Variants in NGLY1 observed in about 807,000 individuals in gnomAD.
NGLY1 encodes the protein N-glycanase 1.
NGLY1 carries 68 observed loss-of-function variants against 84.6 expected under a neutral mutation model. The ratio of observed to expected loss-of-function variants is 0.80; its 90% CI spans 0.66 to 0.98. The LOEUF (loss-of-function observed/expected upper bound fraction) is 0.98, where lower values mean the gene tolerates loss of function less well. Ranked by LOEUF, NGLY1 falls within the 50% of genes least tolerant of loss-of-function variation. The pLI, the probability that NGLY1 is intolerant of heterozygous loss-of-function variation, is 0.00. For synonymous variants in NGLY1, 280 were observed against 275.2 expected, an observed-to-expected ratio of 1.02 and a Z score of -0.17; for missense variants, 779 against 770.2, an observed-to-expected ratio of 1.01 and a Z score of -0.14.
chr3:25,789,917 G>A (rs1299536072), exon 1 of NGLY1: 1 of 1,551,044 alleles, frequency 6.4e-7, no homozygotes, highest in Non-Finnish European at 8.7e-7. Flanking sequence ...GTTCCGAGAG[G>A]GGCGTCTCTG....
chr3:25,723,613 T>C (rs1436652777), intron 10 of NGLY1, among the ~76,000 whole-genome samples: 1 of 151,964 alleles, frequency 6.6e-6, no homozygotes, highest in Non-Finnish European at 1.5e-5. Flanking sequence ...AATCAGTAAC[T>C]ATAATTTATT....
chr3:25,768,869 CA>C (rs1707753820), intron 2 of NGLY1, among the ~76,000 whole-genome samples: 1 of 151,512 alleles, frequency 6.6e-6, no homozygotes, highest in Admixed American at 6.6e-5. Flanking sequence ...AGAACACAGG[CA>C]ACTAAAGCAA....
chr3:25,764,165 A>G lies in NGLY1; in HGVS notation c.393T>C (p.Ser131=). The change falls in exon 3 of 12, where the codon AGT becomes AGC. Residue 131 remains serine (S), a synonymous_variant. Coordinates refer to ENST00000280700, the MANE Select transcript of NGLY1 (RefSeq NM_018297.4). The stretch of plus-strand genomic sequence containing the variant: ...AAGATGGTGTTGTAGGAAGCTGGGT[A>G]CTGGCTGCAGGTTGCTGAGATGACT... ...KVKSSQQPAA[S]TQLPTTPSSN... is the part of the protein sequence containing the mutation. The G allele has an allele frequency of 6.2e-7, 1 of 1,614,206 alleles. No individual in the cohort carries two copies. Among genetic ancestry groups the G allele is most frequent in the Non-Finnish European group, 8.5e-7 (1 of 1,180,028 alleles).
rs777412279 is a variant in NGLY1 at position 25,719,431 on chromosome 3, T to G, written c.*29A>C. On this transcript the variant is annotated 3_prime_UTR_variant, in exon 12 of 12. Transcript: ENST00000280700. ...GACTACTTCAGTAAGTCCTTGATTA[T>G]TGCCAGCTTTTCTATAATGTTCAGG... The G allele has an allele frequency of 1.7e-5, 28 of 1,603,840 alleles. No homozygotes were observed. The highest frequency in any genetic ancestry group is 2.4e-5 in the Non-Finnish European group (28 of 1,172,152).
chr3:25,761,312 C>T (rs759044130), intron 3 of NGLY1, among the ~76,000 whole-genome samples: 2 of 152,068 alleles, frequency 1.3e-5, no homozygotes, highest in African/African-American at 4.8e-5. Flanking sequence ...AAACATAATG[C>T]TTCTAACATT....
upstream of NGLY1, among the ~76,000 whole-genome samples, chr3:25,786,754 T>G (rs748802443): frequency 3.9e-5 from 6 of 152,238 alleles, no homozygotes; most frequent in Non-Finnish European, 8.8e-5. Context: ...AAATGGTGAT[T>G]TCCATGATTT....
chr3:25,720,604 T>G (rs1167303420), intron 10 of NGLY1, among the ~76,000 whole-genome samples: 1 of 152,222 alleles, frequency 6.6e-6, no homozygotes, highest in East Asian at 1.9e-4. Context: ...GCTTTCCTAG[T>G]GTGACATGGT....
chr3:25,735,935 A>G, intron 7 of NGLY1, 69 bp downstream of exon 7: 1 of 1,319,170 alleles, frequency 7.6e-7, no homozygotes, highest in Middle Eastern at 1.9e-4. Flanking sequence ...TTATACATTC[A>G]TGAAGCTGTC....
chr3:25,748,002 G>C (rs947729137), intron 4 of NGLY1, among the ~76,000 whole-genome samples: 5 of 152,136 alleles, frequency 3.3e-5, no homozygotes, highest in East Asian at 1.9e-4. Context: ...GATGGGAAGA[G>C]TAAGAATTGT....
chr3:25,745,410 T>C (rs115250213), intron 4 of NGLY1, among the ~76,000 whole-genome samples: 148 of 152,354 alleles, frequency 9.7e-4, no homozygotes, highest in African/African-American at 3.2e-3. Flanking sequence ...ATTTCAAGGC[T>C]TGACTTCTTA....
intron 2 of NGLY1, among the ~76,000 whole-genome samples, chr3:25,772,379 C>T (rs769197822): frequency 1.3e-5 from 2 of 152,100 alleles, no homozygotes; most frequent in African/African-American, 2.4e-5. Flanking sequence ...GTTGGACTAG[C>T]CCTTTTATCA....
At chr3:25,755,413 AAC>A in intron 3 of NGLY1, 1 of 1,447,110 alleles carries the variant, frequency 6.9e-7, no homozygotes, top group Non-Finnish European at 9.7e-7. Context: ...TGACCCCACA[AAC>A]AGTGTCTGTC....
rs1313951946 is a variant in NGLY1, at chr3:25,783,226, C to T, written c.131+34G>A. 1 of 1,588,622 alleles carries T rather than the reference C, an allele frequency of 6.3e-7. No individual in the cohort carries two copies. On this transcript the variant is annotated intron_variant, in intron 1 of 11. Coordinates refer to ENST00000280700, the MANE Select transcript of NGLY1 (RefSeq NM_018297.4). This position sits in a 1 kb window ranked among gnomAD's most constrained non-coding sequence, Gnocchi z 4.5. ...AACAAGGTGCCGCGGCCCACCCACC[C>T]CGGTACCCGCCGTCCGACCCCGTTG...
chr3:25,732,429 C>T lies in NGLY1; in HGVS notation c.1315G>A (p.Val439Met), dbSNP rs1202673994. Reference protein sequence around the residue: ...RRKELLQRIIVELVEFISPKT... With the variant: ...RRKELLQRIIMELVEFISPKT... ...GGAGATATAAATTCAACAAGCTCCA[C>T]AATTATCCTCTGGAGAAGTTCTTTC... The change falls in exon 9 of 12, where the codon GTG (valine) becomes ATG (methionine). Residue 439 changes from valine (V) to methionine (M), a missense_variant. By Grantham distance (21) the Val-to-Met change is conservative. Coordinates refer to ENST00000280700, the MANE Select transcript of NGLY1 (RefSeq NM_018297.4). 1.2e-6 allele frequency: 2 copies of T among 1,613,662 alleles called. No individual in the cohort carries two copies. The highest frequency in any genetic ancestry group is 4.5e-5 in the East Asian group (2 of 44,846).
At chr3:25,753,502 G>C (rs1189594183) in intron 3 of NGLY1, among the ~76,000 whole-genome samples, 1 of 151,990 alleles carries the variant, frequency 6.6e-6, no homozygotes, top group South Asian at 2.1e-4. Flanking sequence ...TACAAGTTTC[G>C]ATTGGTATAG....
intron 6 of NGLY1, chr3:25,736,564 A>G: frequency 2.0e-6 from 1 of 490,898 alleles, no homozygotes; most frequent in Non-Finnish European, 3.6e-6. Context: ...TACATGCTTT[A>G]TATTTGATTT....
intron 1 of NGLY1, among the ~76,000 whole-genome samples, chr3:25,779,690 G>A (rs187464403): frequency 6.6e-6 from 1 of 151,924 alleles, no homozygotes; most frequent in Non-Finnish European, 1.5e-5. Flanking sequence ...GTATTCTGAC[G>A]TAAAAACAAA....
upstream of NGLY1, among the ~76,000 whole-genome samples, chr3:25,785,975 C>T (rs1708594076): frequency 6.6e-6 from 1 of 152,232 alleles, no homozygotes; most frequent in African/African-American, 2.4e-5. Context: ...GCTTTGCACA[C>T]AGCAGGTACT....
At chr3:25,780,628 T>C (rs1040471133) in intron 1 of NGLY1, among the ~76,000 whole-genome samples, 17 of 152,328 alleles carry the variant, frequency 1.1e-4, no homozygotes, top group African/African-American at 3.8e-4. Flanking sequence ...ATAGTTTTTG[T>C]TTTGTTTTTT....
Sources: gnomAD v4.1 joint callset for allele counts (sites outside exome capture counted in the v4.1 genomes callset) on GRCh38, gnomAD v4.1.1 for gene constraint, Gnocchi (gnomAD v3.1) non-coding constraint, MANE v1.5 for transcripts, NCBI Gene and HGNC (gene_info 2026-07-23, HGNC 2026-07-21) for gene names.